Variants in CDH4 observed in about 807,000 individuals in gnomAD.
CDH4 encodes the protein cadherin-4.
CDH4 carries 33 observed loss-of-function variants against 86.0 expected under a neutral mutation model. The ratio of observed to expected loss-of-function variants is 0.38; its 90% confidence interval spans 0.29 to 0.51. The LOEUF is 0.51. CDH4 is among the 20% of genes least tolerant of loss of function. CDH4 has a pLI of 0.86. For missense variants in CDH4, 1,114 were observed against 1,307.4 expected, an observed-to-expected ratio of 0.85 and a Z score of 2.28; for synonymous variants, 555 against 549.4, an observed-to-expected ratio of 1.01 and a Z score of -0.14.
chr20:61,283,516 G>A (rs1452656704), intron 2 of CDH4, among the ~76,000 whole-genome samples: 2 of 121,864 alleles, frequency 1.6e-5, no homozygotes, highest in African/African-American at 6.0e-5. Context: ...GTGTGCTGTG[G>A]TGTGTGATGT....
chr20:61,429,048 C>T lies in CDH4; in HGVS notation c.169+174111C>T, dbSNP rs147000545. ...TTTCTAGACTATAGAAAGATGTTAA[C>T]GAAGATGACGGTAACTTATGTTACC... is the stretch of plus-strand genomic sequence containing the variant. On this transcript the variant is annotated intron_variant, in intron 2 of 15. Transcript: ENST00000614565. 2.1e-4 allele frequency among the ~76,000 whole-genome samples: 30 copies of T among 143,762 alleles called. No homozygotes were observed. In the East Asian group the frequency reaches 5.0e-3, roughly 24 times the overall value. The allele number at this position is 143,762 out of a possible 152,430, so 94.3% of individuals were successfully genotyped here. A position where few individuals can be genotyped will look rare whatever the true frequency, so the allele number is the denominator to read the frequency against.
chr20:61,434,995 C>G (rs2085272700), intron 2 of CDH4: 1 of 152,140 alleles, frequency 6.6e-6, no homozygotes, highest in South Asian at 2.1e-4. Flanking sequence ...GATAAAACAA[C>G]CAATTTGTCT....
chr20:61,691,101 G>A (rs896487528), intron 2 of CDH4, among the ~76,000 whole-genome samples: 6 of 152,092 alleles, frequency 3.9e-5, no homozygotes, highest in African/African-American at 9.7e-5. Flanking sequence ...CATGGCCACC[G>A]AGTCCCTCCC....
intron 4 of CDH4, among the ~76,000 whole-genome samples, 162 bp downstream of exon 4, chr20:61,773,344 A>G (rs114239787): frequency 0.014 from 2,180 of 152,300 alleles, 57 homozygotes; most frequent in African/African-American, 0.051. Context: ...GCGATGAAAA[A>G]TTCAGGCGGG....
intron 4 of CDH4, among the ~76,000 whole-genome samples, chr20:61,838,800 G>A (rs1319711082): frequency 2.0e-5 from 3 of 149,356 alleles, no homozygotes; most frequent in Non-Finnish European, 4.4e-5. Context: ...CTCCAGCCTG[G>A]GTGACAGAGC....
chr20:61,401,757 G>A (rs964283040), intron 2 of CDH4, among the ~76,000 whole-genome samples: 3 of 152,206 alleles, frequency 2.0e-5, no homozygotes, highest in African/African-American at 7.2e-5. Context: ...TGGCCAGGGA[G>A]TAAATACAAT....
chr20:61,726,916 A>G (rs189586846), intron 2 of CDH4, among the ~76,000 whole-genome samples: 74 of 152,102 alleles, frequency 4.9e-4, no homozygotes, highest in Non-Finnish European at 9.1e-4. Flanking sequence ...CAGTGAGATC[A>G]TCATCAACAT....
At chr20:61,773,893 T>C (rs1343881914) in intron 4 of CDH4, among the ~76,000 whole-genome samples, 1 of 152,150 alleles carries the variant, frequency 6.6e-6, no homozygotes, top group African/African-American at 2.4e-5. Context: ...TTAGTGTGTT[T>C]TGTTTCTCAT....
intron 4 of CDH4, among the ~76,000 whole-genome samples, chr20:61,795,664 G>A (rs1290196569): frequency 6.6e-6 from 1 of 152,180 alleles, no homozygotes; most frequent in East Asian, 1.9e-4. Context: ...AGGCCACTGG[G>A]ATGTGCAGCT....
At chr20:61,843,236 G>C (rs999825112) in intron 4 of CDH4, among the ~76,000 whole-genome samples, 11 of 151,272 alleles carry the variant, frequency 7.3e-5, no homozygotes, top group Non-Finnish European at 1.3e-4. Context: ...GAATCATGAG[G>C]TCAGGAGATC....
intron 2 of CDH4, among the ~76,000 whole-genome samples, chr20:61,548,261 C>T (rs951086795): frequency 6.6e-6 from 1 of 152,178 alleles, no homozygotes; most frequent in Non-Finnish European, 1.5e-5. Flanking sequence ...CTCTAAGACT[C>T]CAAGCAATTC....
chr20:61,766,862 C>A (rs985832650), intron 3 of CDH4, among the ~76,000 whole-genome samples: 2 of 152,232 alleles, frequency 1.3e-5, no homozygotes, highest in African/African-American at 4.8e-5. Context: ...ATGAGTATTT[C>A]TGTCCCCAAG....
intron 2 of CDH4, chr20:61,570,627 A>G: frequency 2.8e-6 from 2 of 702,124 alleles, no homozygotes; most frequent in South Asian, 3.0e-5. Context: ...TGGGAATGGG[A>G]CAGACAATTT....
intron 2 of CDH4, among the ~76,000 whole-genome samples, chr20:61,721,281 A>C (rs546659308): frequency 6.6e-6 from 1 of 152,204 alleles, no homozygotes; most frequent in Non-Finnish European, 1.5e-5. Context: ...TCTAATGTGC[A>C]TTCAGCAGAA....
intron 2 of CDH4, among the ~76,000 whole-genome samples, chr20:61,736,211 G>C (rs1322218112): frequency 6.6e-6 from 1 of 152,174 alleles, no homozygotes; most frequent in Non-Finnish European, 1.5e-5. Context: ...ACACCATGCT[G>C]TGTTCATTCT....
intron 2 of CDH4, among the ~76,000 whole-genome samples, chr20:61,539,501 T>A (rs886403408): frequency 6.6e-6 from 1 of 152,182 alleles, no homozygotes; most frequent in African/African-American, 2.4e-5. Context: ...CCTCACCTCC[T>A]CCTCTTATAA....
chr20:61,302,488 G>C (rs576354374), intron 2 of CDH4, among the ~76,000 whole-genome samples: 2 of 149,026 alleles, frequency 1.3e-5, no homozygotes, highest in East Asian at 2.0e-4. Context: ...GCCTGGGTTG[G>C]GGGGGGTCTG....
chr20:61,706,502 C>T (rs892616850), intron 2 of CDH4, among the ~76,000 whole-genome samples: 3 of 152,138 alleles, frequency 2.0e-5, no homozygotes, highest in South Asian at 2.1e-4. Flanking sequence ...TGTTCAGGAA[C>T]GGAGAAAGTT....
chr20:61,584,968 A>G (rs1306683426), intron 2 of CDH4, among the ~76,000 whole-genome samples: 7 of 152,156 alleles, frequency 4.6e-5, no homozygotes, highest in Non-Finnish European at 1.5e-5. Flanking sequence ...GCCATCGCCG[A>G]TGTGAGGCCC....
Sources: gnomAD v4.1 joint callset for allele counts (sites outside exome capture counted in the v4.1 genomes callset) on GRCh38, gnomAD v4.1.1 for gene constraint, MANE v1.5 for transcripts, NCBI Gene and HGNC (gene_info 2026-07-23, HGNC 2026-07-21) for gene names.